Variants in NAP1L4 observed in about 807,000 individuals in gnomAD.
NAP1L4 encodes the protein nucleosome assembly protein 1-like 4.
In NAP1L4, 15 loss-of-function variants were observed where a neutral mutation model predicts 58.2. The observed-to-expected ratio is 0.26, with a 90% confidence interval of 0.17 to 0.40. The LOEUF (loss-of-function observed/expected upper bound fraction) is 0.40. Among genes scored for constraint, NAP1L4 ranks in the 10% least tolerant of loss-of-function variants. NAP1L4 has a pLI of 1.00. For synonymous variants in NAP1L4, 171 were observed against 155.6 expected, an observed-to-expected ratio of 1.10 and a Z score of -0.74; for missense variants, 384 against 451.1, an observed-to-expected ratio of 0.85 and a Z score of 1.35.
intron 7 of NAP1L4, among the ~76,000 whole-genome samples, chr11:2,967,672 C>T (rs1287276414): frequency 2.0e-5 from 3 of 151,454 alleles, no homozygotes; most frequent in Admixed American, 6.6e-5. Flanking sequence ...GCTACCATTA[C>T]CTGCTATGAG....
At chr11:2,984,916 G>C (rs1564992353) in intron 1 of NAP1L4, among the ~76,000 whole-genome samples, 1 of 152,182 alleles carries the variant, frequency 6.6e-6, no homozygotes, top group Non-Finnish European at 1.5e-5. Flanking sequence ...TACAGGTTGA[G>C]TATCTCTTAT....
chr11:2,964,619 T>C, intron 8 of NAP1L4, 61 bp downstream of exon 8: 1 of 1,412,952 alleles, frequency 7.1e-7, no homozygotes, highest in Non-Finnish European at 9.9e-7. Flanking sequence ...GGCTCCAAGT[T>C]CTTCCATCTT....
chr11:2,945,521 AC>A lies in NAP1L4; in HGVS notation c.*157del. The stretch of plus-strand genomic sequence containing the variant: ...GAGTTAGATGGAGTAAGCTCTGTCC[AC>A]GGGATTGTGCTGCGGCAAGGACCGA... On this transcript the variant is annotated 3_prime_UTR_variant, in exon 16 of 16. Coordinates refer to ENST00000380542, the MANE Select transcript of NAP1L4 (RefSeq NM_005969.4). 1 of 1,177,314 alleles carries A rather than the reference AC, an allele frequency of 8.5e-7. No individual in the cohort carries two copies. The highest frequency in any genetic ancestry group is 1.2e-6 in the Non-Finnish European group (1 of 836,614). 72.9% of individuals were successfully genotyped at this position (1,177,314 alleles called of 1,614,324 possible). A position where few individuals can be genotyped will look rare whatever the true frequency, so the allele number is the denominator to read the frequency against.
chr11:2,984,079 A>G (rs1848480900), intron 1 of NAP1L4, among the ~76,000 whole-genome samples: 1 of 150,936 alleles, frequency 6.6e-6, no homozygotes, highest in Admixed American at 6.6e-5. Flanking sequence ...GCAACACTCA[A>G]GCCCAGGAGT....
Position 2,946,575 on chromosome 11 carries a change from G to A in NAP1L4, c.*33-929C>T, listed in dbSNP as rs866415409. On this transcript the variant is annotated intron_variant, in intron 15 of 15. Transcript: ENST00000380542. This position sits in a 1 kb window ranked among gnomAD's most constrained non-coding sequence, Gnocchi z 4.8. ...GGAACCTAAGAACTTGTACTGTATG[G>A]GGCAAAAAGATCCCTGGGTTACCAT... Among the ~76,000 whole-genome samples, 3 of 152,094 alleles carry A rather than the reference G, an allele frequency of 2.0e-5. No homozygotes were observed. Among genetic ancestry groups the A allele is most frequent in the Non-Finnish European group, 4.4e-5 (3 of 68,028 alleles).
Position 2,954,185 on chromosome 11 carries a change from T to C in NAP1L4, c.1035+342A>G, listed in dbSNP as rs781063014. On this transcript the variant is annotated intron_variant, in intron 12 of 15. Coordinates refer to ENST00000380542, the MANE Select transcript of NAP1L4 (RefSeq NM_005969.4). The surrounding 1 kb of genome is among the most constrained non-coding windows in gnomAD (Gnocchi z 4.8). The stretch of plus-strand genomic sequence containing the variant: ...GTCCACTGTCAATAAATGTTTGTTG[T>C]GGCCAGACCTCCATAAAAGAGATAT... 1.7e-4 allele frequency: 51 copies of C among 294,472 alleles called. No individual in the cohort carries two copies. The highest frequency in any genetic ancestry group is 3.1e-4 in the Non-Finnish European group (48 of 155,654). The allele number at this position is 294,472 out of a possible 1,614,324, so 18.2% of individuals were successfully genotyped here. A position where few individuals can be genotyped will look rare whatever the true frequency, so the allele number is the denominator to read the frequency against.
At chr11:2,965,565 T>C (rs1025969715) in intron 7 of NAP1L4, among the ~76,000 whole-genome samples, 2 of 152,226 alleles carry the variant, frequency 1.3e-5, no homozygotes, top group Non-Finnish European at 1.5e-5. Context: ...TTTATTTTTT[T>C]TGAGACGGAG....
intron 7 of NAP1L4, among the ~76,000 whole-genome samples, chr11:2,968,435 C>A (rs1260008016): frequency 2.6e-5 from 4 of 152,114 alleles, no homozygotes; most frequent in East Asian, 1.9e-4. Flanking sequence ...TAAATTCCAC[C>A]TTTTCATATG....
Position 2,949,196 on chromosome 11 carries a change from G to A in NAP1L4, c.*32+31C>T, listed in dbSNP as rs1846093526. 10 of 1,534,192 alleles carry A rather than the reference G, an allele frequency of 6.5e-6. No individual in the cohort carries two copies. Among genetic ancestry groups the A allele is most frequent in the Admixed American group, 5.1e-5 (3 of 58,698 alleles). Reference sequence around the variant, plus strand: ...GTATAAAGTATAGATCAGAAGTTTGGAAGTTAGGTATGAATGGAATTCCAC... The same window carrying A: ...GTATAAAGTATAGATCAGAAGTTTGAAAGTTAGGTATGAATGGAATTCCAC... On this transcript the variant is annotated intron_variant, in intron 15 of 15. Transcript: ENST00000380542. This position sits in a 1 kb window ranked among gnomAD's most constrained non-coding sequence, Gnocchi z 4.0.
intron 1 of NAP1L4, chr11:2,990,898 G>C (rs1008180489): frequency 5.9e-5 from 20 of 337,262 alleles, no homozygotes; most frequent in Middle Eastern, 8.0e-4. Flanking sequence ...TAGTAACTTA[G>C]AAAGACTTAC....
At position 2,945,756 on chromosome 11, in the gene NAP1L4, A is replaced by C. The variant is rs375866248; in HGVS notation, c.*33-110T>G. 21 of 843,448 alleles carry C rather than the reference A, an allele frequency of 2.5e-5. No homozygotes were observed. In the African/African-American group the frequency reaches 3.1e-4, roughly 13 times the overall value. The allele number at this position is 843,448 out of a possible 1,614,324, so 52.2% of individuals were successfully genotyped here. A position where few individuals can be genotyped will look rare whatever the true frequency, so the allele number is the denominator to read the frequency against. Reference sequence around the variant, plus strand: ...TGAATGAGTTCATTCTCATTGAAAAAAATGGTTACTGCAAATATACTTTTA... The same window carrying C: ...TGAATGAGTTCATTCTCATTGAAAACAATGGTTACTGCAAATATACTTTTA... On this transcript the variant is annotated intron_variant, in intron 15 of 15. Coordinates refer to ENST00000380542, the MANE Select transcript of NAP1L4 (RefSeq NM_005969.4).
At position 2,971,522 on chromosome 11, in the gene NAP1L4, TA is replaced by T. The variant is rs2133972526; in HGVS notation, c.327del (p.Phe109LeufsTer29). 1 of 1,613,556 alleles carries T rather than the reference TA, an allele frequency of 6.2e-7. No homozygotes were observed. Among genetic ancestry groups the T allele is most frequent in the Non-Finnish European group, 8.5e-7 (1 of 1,179,938 alleles). On this transcript the variant is annotated frameshift_variant, in exon 6 of 16. Coordinates refer to ENST00000380542, the MANE Select transcript of NAP1L4 (RefSeq NM_005969.4). LOFTEE classifies it high-confidence loss of function. This position sits in a 1 kb window ranked among gnomAD's most constrained non-coding sequence, Gnocchi z 4.2. ...YQPLFDKRRE[F>X]ITGDVEPTDA... ...TCTGTTGGTTCAACATCGCCGGTGA[TA>T]AATTCTCTTCTCTACATAAAAATGA...
chr11:2,968,826 T>G (rs1847449586), intron 7 of NAP1L4, among the ~76,000 whole-genome samples: 1 of 152,164 alleles, frequency 6.6e-6, no homozygotes, highest in Admixed American at 6.5e-5. Flanking sequence ...TCAGTGAGAC[T>G]TAAGGCAAGA....
chr11:2,966,782 C>A (rs1040671555), intron 7 of NAP1L4, among the ~76,000 whole-genome samples: 11 of 152,182 alleles, frequency 7.2e-5, no homozygotes, highest in Non-Finnish European at 1.3e-4. Context: ...AGAGATGGCA[C>A]TGGGACTTCA....
intron 4 of NAP1L4, among the ~76,000 whole-genome samples, chr11:2,974,565 T>C (rs939250870): frequency 8.5e-5 from 13 of 152,094 alleles, no homozygotes. Context: ...CTAAGTAATC[T>C]CTGAGAAGCT....
At chr11:2,961,847 A>G (rs780617079) in intron 8 of NAP1L4, among the ~76,000 whole-genome samples, 3 of 152,142 alleles carry the variant, frequency 2.0e-5, no homozygotes, top group Non-Finnish European at 4.4e-5. Context: ...TTCTATAGAT[A>G]GATTCATGTT....
chr11:2,959,095 A>G lies in NAP1L4; in HGVS notation c.747-551T>C, dbSNP rs896783355. 1.3e-5 allele frequency among the ~76,000 whole-genome samples: 2 copies of G among 152,204 alleles called. No homozygotes were observed. Among genetic ancestry groups the G allele is most frequent in the Non-Finnish European group, 2.9e-5 (2 of 68,036 alleles). On this transcript the variant is annotated intron_variant, in intron 9 of 15. Transcript: ENST00000380542. The surrounding 1 kb of genome is among the most constrained non-coding windows in gnomAD (Gnocchi z 4.9). ...AGATCTCAATACTGCCCGCTTAAGA[A>G]CATGCTTGGTAAGGCCAGGCCTTTT...
intron 8 of NAP1L4, among the ~76,000 whole-genome samples, chr11:2,964,409 G>A (rs772293860): frequency 6.6e-6 from 1 of 152,180 alleles, no homozygotes. Flanking sequence ...GCATCACATG[G>A]TCTGCATCAC....
rs190808106 is a variant in NAP1L4, at chr11:2,946,489, G to A, written c.*33-843C>T. ...AATGCTTCTGCGCTAGTAACTTTAC[G>A]AACCTGTAACCTATGATTTCTGGCT... On this transcript the variant is annotated intron_variant, in intron 15 of 15. Transcript: ENST00000380542. The surrounding 1 kb of genome is among the most constrained non-coding windows in gnomAD (Gnocchi z 4.8). 2.6e-5 allele frequency among the ~76,000 whole-genome samples: 4 copies of A among 152,250 alleles called. No individual in the cohort carries two copies. Among genetic ancestry groups the A allele is most frequent in the South Asian group, 2.1e-4 (1 of 4,826 alleles).
Sources: gnomAD v4.1 joint callset for allele counts (sites outside exome capture counted in the v4.1 genomes callset) on GRCh38, gnomAD v4.1.1 for gene constraint, Gnocchi (gnomAD v3.1) non-coding constraint, MANE v1.5 for transcripts, NCBI Gene and HGNC (gene_info 2026-07-23, HGNC 2026-07-21) for gene names.